SUPT3H: variants seen among roughly 807,000 people sequenced by gnomAD.
SUPT3H encodes transcription initiation protein SPT3 homolog.
SUPT3H carries 44 observed loss-of-function variants against 44.3 expected under a neutral mutation model. The ratio of observed to expected loss-of-function variants is 0.99; its 90% CI spans 0.78 to 1.28. The LOEUF is 1.28. Ranked by LOEUF, SUPT3H falls within the 50% of genes most tolerant of loss-of-function variation. The pLI is 0.00. For synonymous variants in SUPT3H, 124 were observed against 125.6 expected (o/e 0.99, Z 0.09); for missense variants, 380 against 387.1 (o/e 0.98, Z 0.15).
chr6:45,254,114 C>G (rs973961584), intron 2 of SUPT3H, among the ~76,000 whole-genome samples: 5 of 151,648 alleles, frequency 3.3e-5, no homozygotes, highest in Admixed American at 3.3e-4. Context: ...AGCAATGGGA[C>G]CCACTCTATT....
At chr6:45,081,737 T>C (rs1396860002) in intron 3 of SUPT3H, among the ~76,000 whole-genome samples, 4 of 152,150 alleles carry the variant, frequency 2.6e-5, no homozygotes, top group African/African-American at 7.2e-5. Context: ...AACAGGGTTC[T>C]ACCTTAAGAG....
intron 10 of SUPT3H, among the ~76,000 whole-genome samples, chr6:44,903,502 A>G (rs1234243206): frequency 6.6e-6 from 1 of 152,214 alleles, no homozygotes; most frequent in Non-Finnish European, 1.5e-5. Context: ...ATCTCTGAAT[A>G]GACCAATAAC....
intron 2 of SUPT3H, among the ~76,000 whole-genome samples, chr6:45,230,686 A>ATATATATT (rs796866510): frequency 3.7e-4 from 43 of 116,816 alleles, no homozygotes; most frequent in African/African-American, 1.1e-3. Flanking sequence ...ATATATATAT[A>ATATATATT]TTTTTGAGAT....
chr6:45,078,798 T>C (rs1795362434), intron 3 of SUPT3H, among the ~76,000 whole-genome samples: 1 of 152,216 alleles, frequency 6.6e-6, no homozygotes, highest in African/African-American at 2.4e-5. Flanking sequence ...AAAGTTTATG[T>C]TGGTAAATAT....
chr6:44,917,641 A>C (rs1768022135), intron 10 of SUPT3H, among the ~76,000 whole-genome samples: 1 of 152,170 alleles, frequency 6.6e-6, no homozygotes, highest in South Asian at 2.1e-4. Flanking sequence ...TCAGGAGTAT[A>C]AATGAAGCCT....
At chr6:45,180,860 T>C (rs1813027554) in intron 2 of SUPT3H, among the ~76,000 whole-genome samples, 1 of 150,978 alleles carries the variant, frequency 6.6e-6, no homozygotes, top group Non-Finnish European at 1.5e-5. Context: ...AAGCCAAAAT[T>C]GACAAATGGG....
intron 2 of SUPT3H, among the ~76,000 whole-genome samples, chr6:45,134,719 A>G (rs1285008): frequency 0.87 from 132,883 of 152,206 alleles, 58,276 homozygotes; most frequent in African/African-American, 0.92. Flanking sequence ...AAACCCAACA[A>G]GGAAAACAAC....
intron 2 of SUPT3H, among the ~76,000 whole-genome samples, chr6:45,157,151 G>A (rs1807959976): frequency 6.6e-6 from 1 of 151,842 alleles, no homozygotes; most frequent in African/African-American, 2.4e-5. Context: ...TCAACTTCAT[G>A]GACTATGTTT....
chr6:45,356,398 CT>C (rs987451278), intron 2 of SUPT3H, among the ~76,000 whole-genome samples: 2 of 150,720 alleles, frequency 1.3e-5, no homozygotes, highest in Admixed American at 6.6e-5. Context: ...ATTCTCATTT[CT>C]TTTTTTTTCT....
chr6:44,901,135 C>T (rs1350483863), intron 10 of SUPT3H, among the ~76,000 whole-genome samples: 5 of 147,680 alleles, frequency 3.4e-5, no homozygotes, highest in South Asian at 2.1e-4. Flanking sequence ...TCCAAAGGAA[C>T]GCAGCTCCTC....
chr6:44,893,991 C>T (rs746040645), intron 10 of SUPT3H, among the ~76,000 whole-genome samples: 27,487 of 137,288 alleles, frequency 0.2, 2,265 homozygotes, highest in Non-Finnish European at 0.27. Flanking sequence ...AGCATTTTTT[C>T]ATGTGTTTTT....
At chr6:45,062,530 T>C (rs35811020) in intron 3 of SUPT3H, among the ~76,000 whole-genome samples, 17,228 of 152,234 alleles carry the variant, frequency 0.11, 1,382 homozygotes, top group East Asian at 0.26. Context: ...GGGTGATTTC[T>C]GCATTTCCAT....
intron 10 of SUPT3H, among the ~76,000 whole-genome samples, chr6:44,930,560 GTCTC>G (rs1288428693): frequency 5.2e-5 from 3 of 57,190 alleles, no homozygotes; most frequent in African/African-American, 2.6e-4. Context: ...GTGAGACTCC[GTCTC>G]AAAAAAAAAA....
chr6:44,986,485 T>C (rs1779811666), intron 6 of SUPT3H, among the ~76,000 whole-genome samples: 1 of 152,170 alleles, frequency 6.6e-6, no homozygotes, highest in South Asian at 2.1e-4. Context: ...TACAATTTAT[T>C]GCACTTGGTA....
chr6:45,101,209 T>C (rs560084197), intron 3 of SUPT3H, among the ~76,000 whole-genome samples: 1 of 152,322 alleles, frequency 6.6e-6, no homozygotes, highest in East Asian at 1.9e-4. Flanking sequence ...ACAAATCACC[T>C]GAGGTCGGGA....
intron 10 of SUPT3H, among the ~76,000 whole-genome samples, chr6:44,911,592 T>G (rs1436996465): frequency 6.6e-6 from 1 of 152,194 alleles, no homozygotes; most frequent in Non-Finnish European, 1.5e-5. Context: ...TTTATTATAA[T>G]TTTTTGAAAA....
At chr6:45,367,881 A>C (rs138742924) in intron 1 of SUPT3H, among the ~76,000 whole-genome samples, 1 of 152,288 alleles carries the variant, frequency 6.6e-6, no homozygotes, top group African/African-American at 2.4e-5. Flanking sequence ...ATTTTTCTTG[A>C]CATGATGAGC....
At chr6:45,130,223 C>CT (rs1803218101) in intron 2 of SUPT3H, among the ~76,000 whole-genome samples, 1 of 152,188 alleles carries the variant, frequency 6.6e-6, no homozygotes, top group Non-Finnish European at 1.5e-5. Context: ...AGGCAACTTT[C>CT]TGTCTCTATG....
At chr6:45,065,589 A>C (rs966039398) in intron 3 of SUPT3H, among the ~76,000 whole-genome samples, 19 of 151,606 alleles carry the variant, frequency 1.3e-4, no homozygotes, top group Non-Finnish European at 7.4e-5. Flanking sequence ...AAAAAGAGAC[A>C]AGAATCAAAT....
Sources: allele counts gnomAD v4.1 joint callset (sites outside exome capture counted in the v4.1 genomes callset), GRCh38; gene constraint gnomAD v4.1.1; transcripts MANE v1.5; gene names NCBI Gene and HGNC (gene_info 2026-07-23, HGNC 2026-07-21).